The following LCP1 variants were observed in gnomAD, a reference collection of about 807,000 sequenced individuals.
The protein encoded by LCP1 is lymphocyte cytosolic protein 1, also known as plastin-2.
A neutral mutation model predicts 72.0 loss-of-function variants in LCP1; 23 were observed. That is an observed-to-expected ratio of 0.32 (90% CI 0.23 to 0.45). The LOEUF (loss-of-function observed/expected upper bound fraction) is 0.45. LCP1 is among the 20% of genes least tolerant of loss of function. The pLI is 1.00. For missense variants in LCP1, 571 were observed against 748.3 expected, an observed-to-expected ratio of 0.76 and a Z score of 2.76; for synonymous variants, 245 against 275.4, an observed-to-expected ratio of 0.89 and a Z score of 1.09.
chr13:46,166,946 T>C (rs1367769885), intron 1 of LCP1, among the ~76,000 whole-genome samples: 1 of 152,218 alleles, frequency 6.6e-6, no homozygotes, highest in Non-Finnish European at 1.5e-5. Context: ...TTAAAATGAC[T>C]TTGTTTTTAA....
At chr13:46,142,922 G>C in intron 12 of LCP1, 1 of 361,108 alleles carries the variant, frequency 2.8e-6, no homozygotes, top group Admixed American at 3.8e-5. Flanking sequence ...TGTTCCCACT[G>C]TGTTGACAGT....
chr13:46,171,411 GGGCCCTT>G (rs2045903966), intron 1 of LCP1, among the ~76,000 whole-genome samples: 2 of 152,106 alleles, frequency 1.3e-5, no homozygotes, highest in African/African-American at 4.8e-5. Context: ...ACTTAGGACT[GGGCCCTT>G]CCTAGGCTCT....
intron 11 of LCP1, 57 bp from the exon 12 acceptor site, chr13:46,143,461 C>T: frequency 4.4e-6 from 5 of 1,137,650 alleles, no homozygotes; most frequent in Non-Finnish European, 6.7e-6. Flanking sequence ...TCAGGGCCTA[C>T]AATGGGCCAG....
chr13:46,133,564 T>C (rs2045645978), intron 14 of LCP1, among the ~76,000 whole-genome samples: 1 of 151,902 alleles, frequency 6.6e-6, no homozygotes, highest in African/African-American at 2.4e-5. Context: ...AGGTTGAGGC[T>C]GCAGTGAGCC....
chr13:46,148,311 T>A, intron 9 of LCP1, 41 bp downstream of exon 9: 3 of 1,399,894 alleles, frequency 2.1e-6, no homozygotes, highest in Non-Finnish European at 3.0e-6. Flanking sequence ...AACATGAAAA[T>A]AGCATCATAT....
rs542227220 is a variant in LCP1, at chr13:46,128,225, T to C, written c.1752-502A>G. ...AAAGAGTCACAGAACTGAATAAACA[T>C]GTGTGCTAGGAAAAGTTTGCAGACT... On this transcript the variant is annotated intron_variant, in intron 15 of 15. Coordinates refer to ENST00000323076, the MANE Select transcript of LCP1 (RefSeq NM_002298.5). 2.6e-5 allele frequency among the ~76,000 whole-genome samples: 4 copies of C among 152,182 alleles called. No individual in the cohort carries two copies. In the South Asian group the frequency reaches 8.3e-4, roughly 32 times the overall value.
At chr13:46,139,289 A>G (rs1257506778) in intron 13 of LCP1, among the ~76,000 whole-genome samples, 2 of 152,202 alleles carry the variant, frequency 1.3e-5, no homozygotes, top group African/African-American at 4.8e-5. Context: ...AAGAGACCCC[A>G]GTGTGGAAAT....
chr13:46,171,312 A>C (rs761836732), intron 1 of LCP1, among the ~76,000 whole-genome samples: 1 of 152,118 alleles, frequency 6.6e-6, no homozygotes, highest in African/African-American at 2.4e-5. Context: ...CTGTATCTCG[A>C]GTTTCCCTGC....
chr13:46,148,552 T>C, intron 8 of LCP1, 105 bp from the exon 9 acceptor site: 1 of 735,692 alleles, frequency 1.4e-6, no homozygotes, highest in South Asian at 1.6e-5. Context: ...TATTCAGCTA[T>C]CATTCCAGAA....
In LCP1 at chr13:46,152,128, T is replaced by G. The variant is rs1259992180; in HGVS notation, c.739+652A>C. Among the ~76,000 whole-genome samples, 4 of 152,230 alleles carry G rather than the reference T, an allele frequency of 2.6e-5. No individual in the cohort carries two copies. In the East Asian group the frequency reaches 7.7e-4, roughly 29 times the overall value. On this transcript the variant is annotated intron_variant, in intron 7 of 15. Coordinates refer to ENST00000323076, the MANE Select transcript of LCP1 (RefSeq NM_002298.5). The stretch of plus-strand genomic sequence containing the variant: ...GGTGGTTACTGTTGGTCAAGCAAAT[T>G]AACATACTCACATCTCATATCGTTA...
Position 46,126,013 on chromosome 13 carries a change from AG to A in LCP1, c.*1577del. ...TAACATTCTTTCTTCCTGGAGGCGG[AG>A]GGGGGAAATCATCTGAGGCTACAGT... On this transcript the variant is annotated 3_prime_UTR_variant, in exon 16 of 16. Coordinates refer to ENST00000323076, the MANE Select transcript of LCP1 (RefSeq NM_002298.5). The A allele has an allele frequency of 4.9e-6, 1 of 203,400 alleles. No homozygotes were observed. The highest frequency in any genetic ancestry group is 1.0e-5 in the Non-Finnish European group (1 of 98,854). 12.6% of individuals were successfully genotyped at this position (203,400 alleles called of 1,614,324 possible).
intron 15 of LCP1, among the ~76,000 whole-genome samples, chr13:46,128,468 T>C (rs568893001): frequency 6.6e-6 from 1 of 152,020 alleles, no homozygotes; most frequent in East Asian, 1.9e-4. Context: ...CGTGGTGGCG[T>C]GCGCCTGTAG....
chr13:46,131,096 A>G (rs1449384008), intron 14 of LCP1, among the ~76,000 whole-genome samples, 158 bp from the exon 15 acceptor site: 1 of 152,210 alleles, frequency 6.6e-6, no homozygotes, highest in African/African-American at 2.4e-5. Context: ...AATAAACTGT[A>G]GTTTCTGTAG....
chr13:46,174,311 T>C (rs951335481), intron 1 of LCP1, among the ~76,000 whole-genome samples: 4 of 152,148 alleles, frequency 2.6e-5, no homozygotes, highest in Non-Finnish European at 2.9e-5. Context: ...TTCATTTTTT[T>C]TAAAAGTTAC....
At chr13:46,135,433 A>G (rs565674597) in intron 13 of LCP1, among the ~76,000 whole-genome samples, 1 of 152,324 alleles carries the variant, frequency 6.6e-6, no homozygotes, top group South Asian at 2.1e-4. Flanking sequence ...TACATAATCC[A>G]TCGGGTATCT....
chr13:46,127,841 G>A, intron 15 of LCP1, 118 bp from the exon 16 acceptor site: 3 of 1,188,286 alleles, frequency 2.5e-6, no homozygotes, highest in Non-Finnish European at 3.5e-6. Flanking sequence ...TCCTGCAGTG[G>A]CTGGAGTCAG....
rs1297215220 is a variant in LCP1, at chr13:46,127,190, T to C, written c.*401A>G. ...AACAGGGTTTAGGGCAGGTGTGATGTTTCCCCTCCTGGCCCTCATCTTGAA... is the reference window on the plus strand; with the variant it reads ...AACAGGGTTTAGGGCAGGTGTGATGCTTCCCCTCCTGGCCCTCATCTTGAA... On this transcript the variant is annotated 3_prime_UTR_variant, in exon 16 of 16. Coordinates refer to ENST00000323076, the MANE Select transcript of LCP1 (RefSeq NM_002298.5). 4 of 240,604 alleles carry C rather than the reference T, an allele frequency of 1.7e-5. No individual in the cohort carries two copies. The highest frequency in any genetic ancestry group is 2.4e-5 in the Non-Finnish European group (3 of 122,742). The allele number at this position is 240,604 out of a possible 1,614,324, so 14.9% of individuals were successfully genotyped here.
chr13:46,136,113 A>ACACAC (rs57604478), intron 13 of LCP1, among the ~76,000 whole-genome samples: 1 of 146,240 alleles, frequency 6.8e-6, no homozygotes. Context: ...ACACACACAC[A>ACACAC]AAGACCTATA....
At chr13:46,165,905 C>CA (rs568540960) in intron 1 of LCP1, among the ~76,000 whole-genome samples, 9 of 143,554 alleles carry the variant, frequency 6.3e-5, no homozygotes, top group Non-Finnish European at 7.6e-5. Flanking sequence ...AGACGTTGGC[C>CA]AAAAAAAAAG....
Sources: allele counts gnomAD v4.1 joint callset (sites outside exome capture counted in the v4.1 genomes callset), GRCh38; gene constraint gnomAD v4.1.1; transcripts MANE v1.5; gene names NCBI Gene and HGNC (gene_info 2026-07-23, HGNC 2026-07-21).